EFCAB11: variants seen among roughly 807,000 people sequenced by gnomAD.
The protein encoded by EFCAB11 is EF-hand calcium binding domain 11.
EFCAB11 carries 14 observed loss-of-function variants against 23.0 expected under a neutral mutation model. The observed-to-expected ratio is 0.61, with a 90% CI of 0.40 to 0.95. The LOEUF (loss-of-function observed/expected upper bound fraction) is 0.95, where lower values mean the gene tolerates loss of function less well. EFCAB11 is among the 40% of genes least tolerant of loss of function. The pLI, the probability that EFCAB11 is intolerant of heterozygous loss-of-function variation, is 0.00. For synonymous variants in EFCAB11, 65 were observed against 66.6 expected, an observed-to-expected ratio of 0.98 and a Z score of 0.11; for missense variants, 198 against 195.8, an observed-to-expected ratio of 1.01 and a Z score of -0.07.
chr14:89,899,518 A>G (rs1261979694), intron 5 of EFCAB11, among the ~76,000 whole-genome samples: 1 of 152,168 alleles, frequency 6.6e-6, no homozygotes, highest in East Asian at 1.9e-4. Flanking sequence ...GTTATATATC[A>G]AAAGATAATC....
At chr14:89,857,505 G>A (rs1335501454) in intron 5 of EFCAB11, among the ~76,000 whole-genome samples, 2 of 70,014 alleles carry the variant, frequency 2.9e-5, no homozygotes, top group Admixed American at 1.5e-4. Context: ...TACTGACCTG[G>A]TCTTTCTTTT....
At chr14:89,866,761 G>A (rs765508645) in intron 5 of EFCAB11, among the ~76,000 whole-genome samples, 6 of 152,196 alleles carry the variant, frequency 3.9e-5, no homozygotes, top group African/African-American at 1.2e-4. Context: ...AGCAGGTAGA[G>A]AAATGTGTAA....
At chr14:89,924,056 T>C (rs1003117315) in intron 5 of EFCAB11, 7 of 985,612 alleles carry the variant, frequency 7.1e-6, no homozygotes, top group Non-Finnish European at 8.4e-6. Flanking sequence ...ATAACATCTA[T>C]ATAATTTTTC....
At chr14:89,931,493 C>A in intron 5 of EFCAB11, 48 bp downstream of exon 5, 1 of 1,492,538 alleles carries the variant, frequency 6.7e-7, no homozygotes, top group East Asian at 2.3e-5. Context: ...CATGTAAAAG[C>A]AAATGGTAAA....
intron 5 of EFCAB11, among the ~76,000 whole-genome samples, chr14:89,919,909 G>GA (rs1889969937): frequency 6.6e-6 from 1 of 152,100 alleles, no homozygotes; most frequent in Non-Finnish European, 1.5e-5. Flanking sequence ...GGCCCAGCTG[G>GA]AATTTATAAA....
chr14:89,871,272 T>C (rs1019077176), intron 5 of EFCAB11, among the ~76,000 whole-genome samples: 1 of 152,166 alleles, frequency 6.6e-6, no homozygotes, highest in Non-Finnish European at 1.5e-5. Flanking sequence ...CAAAACAAAC[T>C]TCTAATGATT....
In EFCAB11 at chr14:89,919,185, TGAGAGAGAGAGAGAGAGACAGA is replaced by T. The variant is rs1220282946; in HGVS notation, c.410+12334_410+12355del. Among the ~76,000 whole-genome samples the T allele has an allele frequency of 1.6e-4, 22 of 138,352 alleles. No individual in the cohort carries two copies. In the South Asian group the frequency reaches 4.3e-3, roughly 27 times the overall value. The allele number at this position is 138,352 out of a possible 152,430, so 90.8% of individuals were successfully genotyped here. A position where few individuals can be genotyped will look rare whatever the true frequency, so the allele number is the denominator to read the frequency against. On this transcript the variant is annotated intron_variant, in intron 5 of 5. Coordinates refer to ENST00000316738, the MANE Select transcript of EFCAB11 (RefSeq NM_145231.4). ...GAGATTTCTCAGACATCACACTTGA[TGAGAGAGAGAGAGAGAGACAGA>T]GAGAGAGAGAGAGAGAGAGAAACAC...
Position 89,922,357 on chromosome 14 carries a change from A to G in EFCAB11, c.410+9184T>C, listed in dbSNP as rs566968329. On this transcript the variant is annotated intron_variant, in intron 5 of 5. Coordinates refer to ENST00000316738, the MANE Select transcript of EFCAB11 (RefSeq NM_145231.4). ...GAATAATATCTGTGGTATGCAGGGA[A>G]AATAAAGGAGACGGCCATGCCATTC... Among the ~76,000 whole-genome samples the G allele has an allele frequency of 3.3e-5, 5 of 152,350 alleles. No individual in the cohort carries two copies. The South Asian group carries it at 6.2e-4, about 19-fold the overall frequency.
chr14:89,843,143 C>T (rs1433670957), intron 5 of EFCAB11, among the ~76,000 whole-genome samples: 3 of 152,084 alleles, frequency 2.0e-5, no homozygotes. Context: ...CTCTATGTAC[C>T]AGAACGGTGG....
At chr14:89,853,253 G>A (rs1887649293) in intron 5 of EFCAB11, among the ~76,000 whole-genome samples, 1 of 152,328 alleles carries the variant, frequency 6.6e-6, no homozygotes, top group South Asian at 2.1e-4. Flanking sequence ...AGAGAAGCCA[G>A]TTACAGTTCA....
chr14:89,867,758 TGA>T lies in EFCAB11; in HGVS notation c.410+63781_410+63782del, dbSNP rs770122523. On this transcript the variant is annotated intron_variant, in intron 5 of 5. Coordinates refer to ENST00000316738, the MANE Select transcript of EFCAB11 (RefSeq NM_145231.4). ...AAATACTTCTGTACTAACATCTAACTGAGATCTGCTACGCCGAGGAAATGAGA... is the reference window on the plus strand; with the variant it reads ...AAATACTTCTGTACTAACATCTAACTGATCTGCTACGCCGAGGAAATGAGA... Among the ~76,000 whole-genome samples, 4 of 152,206 alleles carry T rather than the reference TGA, an allele frequency of 2.6e-5. No homozygotes were observed. The East Asian group carries it at 5.8e-4, about 22-fold the overall frequency.
intron 5 of EFCAB11, among the ~76,000 whole-genome samples, chr14:89,917,765 T>C (rs1335705443): frequency 6.6e-6 from 1 of 152,216 alleles, no homozygotes; most frequent in African/African-American, 2.4e-5. Context: ...AAAAAAATAA[T>C]AATAATTGCG....
At chr14:89,905,707 G>T (rs1889476475) in intron 5 of EFCAB11, among the ~76,000 whole-genome samples, 1 of 152,158 alleles carries the variant, frequency 6.6e-6, no homozygotes, top group Admixed American at 6.5e-5. Context: ...AAGAAGAGGA[G>T]GAGTCAGAGA....
chr14:89,859,649 T>C (rs937410869), intron 5 of EFCAB11, among the ~76,000 whole-genome samples: 3 of 152,164 alleles, frequency 2.0e-5, no homozygotes, highest in Admixed American at 1.3e-4. Context: ...ACCTGAGCTG[T>C]ACCAGAGGTG....
intron 5 of EFCAB11, among the ~76,000 whole-genome samples, chr14:89,921,077 G>GAAAAA (rs1890008891): frequency 8.4e-6 from 1 of 119,442 alleles, no homozygotes; most frequent in African/African-American, 5.6e-5. Context: ...AAAAAAAAAA[G>GAAAAA]AAAAGAAAGA....
chr14:89,910,497 T>C (rs193103316), intron 5 of EFCAB11, among the ~76,000 whole-genome samples: 320 of 152,002 alleles, frequency 2.1e-3, no homozygotes, highest in Admixed American at 6.6e-3. Context: ...ACTCGAGAGG[T>C]TGAGGCATGA....
intron 5 of EFCAB11, among the ~76,000 whole-genome samples, chr14:89,883,951 C>T (rs1213763640): frequency 6.6e-6 from 1 of 151,984 alleles, no homozygotes; most frequent in African/African-American, 2.4e-5. Context: ...CAGAGTGAGA[C>T]CTCATCTCCA....
At chr14:89,954,740 A>C (rs890679418), upstream of EFCAB11, 2 of 1,544,272 alleles carry the variant, frequency 1.3e-6, no homozygotes, top group Non-Finnish European at 8.7e-7. Flanking sequence ...TACCGCGGCC[A>C]CGCCCACCGC....
At chr14:89,873,976 G>A (rs1386299348) in intron 5 of EFCAB11, among the ~76,000 whole-genome samples, 2 of 152,246 alleles carry the variant, frequency 1.3e-5, no homozygotes, top group Non-Finnish European at 2.9e-5. Context: ...TCCCAGTGGG[G>A]ACTCTGTGTG....
Sources: allele counts gnomAD v4.1 joint callset (sites outside exome capture counted in the v4.1 genomes callset), GRCh38; gene constraint gnomAD v4.1.1; transcripts MANE v1.5; gene names NCBI Gene and HGNC (gene_info 2026-07-23, HGNC 2026-07-21).